The following NXN variants were observed in gnomAD, a reference collection of about 807,000 sequenced individuals.
NXN encodes nucleoredoxin 1.
NXN carries 16 observed loss-of-function variants against 48.6 expected under a neutral mutation model. That is an observed-to-expected ratio of 0.33 (90% CI 0.22 to 0.50). The LOEUF is 0.50. Among genes scored for constraint, NXN ranks in the 20% least tolerant of loss-of-function variants. The pLI, the probability that NXN is intolerant of heterozygous loss-of-function variation, is 0.98. For missense variants in NXN, 492 were observed against 605.5 expected (o/e 0.81, Z 1.97); for synonymous variants, 281 against 269.6 (o/e 1.04, Z -0.41).
At chr17:934,407 C>A (rs553747116) in intron 1 of NXN, among the ~76,000 whole-genome samples, 1 of 149,092 alleles carries the variant, frequency 6.7e-6, no homozygotes, top group African/African-American at 2.5e-5. Context: ...GATAGCACCA[C>A]TGCACTCTAG....
intron 1 of NXN, among the ~76,000 whole-genome samples, chr17:840,541 A>G (rs370385845): frequency 0.011 from 1,626 of 152,210 alleles, 11 homozygotes; most frequent in Non-Finnish European, 0.013. Context: ...GGGTTTCACC[A>G]TGTTAGCCAG....
chr17:831,537 AGCTCACTGCAACCTCC>A (rs937227967), intron 1 of NXN, among the ~76,000 whole-genome samples: 74 of 151,928 alleles, frequency 4.9e-4, no homozygotes, highest in African/African-American at 1.7e-3. Context: ...ACACAATCTC[AGCTCACTGCAACCTCC>A]GCTCACTGCA....
At chr17:892,039 C>T (rs1355265648) in intron 1 of NXN, among the ~76,000 whole-genome samples, 2 of 137,102 alleles carry the variant, frequency 1.5e-5, no homozygotes, top group Non-Finnish European at 3.1e-5. Context: ...CCATGCACAA[C>T]CCAACAGGGA....
At chr17:876,463 T>C (rs758002588) in intron 1 of NXN, among the ~76,000 whole-genome samples, 1 of 152,114 alleles carries the variant, frequency 6.6e-6, no homozygotes, top group Non-Finnish European at 1.5e-5. Context: ...TCCCCTATTG[T>C]GGTCATTTAG....
chr17:896,859 C>CGGGG, intron 1 of NXN: 1 of 541,036 alleles, frequency 1.8e-6, no homozygotes, highest in Non-Finnish European at 2.9e-6. Flanking sequence ...TCCTGACCAC[C>CGGGG]CGCCCCCGGC....
intron 5 of NXN, among the ~76,000 whole-genome samples, chr17:808,931 C>T (rs1446629719): frequency 1.3e-5 from 2 of 152,124 alleles, no homozygotes; most frequent in African/African-American, 2.4e-5. Flanking sequence ...CCCGCCTCGG[C>T]CTCCCAAACT....
intron 1 of NXN, among the ~76,000 whole-genome samples, chr17:826,590 C>T (rs552127577): frequency 1.1e-4 from 17 of 152,350 alleles, no homozygotes; most frequent in Admixed American, 5.9e-4. Context: ...CAACAGCAGC[C>T]GCTCTCCACG....
intron 1 of NXN, among the ~76,000 whole-genome samples, chr17:835,124 T>C (rs9903958): frequency 0.46 from 69,418 of 150,124 alleles, 16,618 homozygotes; most frequent in Middle Eastern, 0.65. Flanking sequence ...CTGGCTAACA[T>C]GGTGAAACCC....
chr17:977,922 A>C lies in NXN; in HGVS notation c.360+1397T>G, dbSNP rs58895530. Among the ~76,000 whole-genome samples the C allele has an allele frequency of 6.4e-3, 970 of 152,354 alleles. 12 individuals are homozygous for C. Among genetic ancestry groups the C allele is most frequent in the African/African-American group, 0.022 (925 of 41,574 alleles). ...GTAAAAATGCCAACTCTTGCCTCTG[A>C]GTGGTTAGTGAACCTATGTTTTCCC... On this transcript the variant is annotated intron_variant, in intron 1 of 7. Coordinates refer to ENST00000336868, the MANE Select transcript of NXN (RefSeq NM_022463.5).
intron 1 of NXN, among the ~76,000 whole-genome samples, chr17:882,951 A>G (rs1172220697): frequency 6.6e-6 from 1 of 152,070 alleles, no homozygotes; most frequent in African/African-American, 2.4e-5. Flanking sequence ...ACAGGGTTTC[A>G]CCATGTTGGC....
intron 1 of NXN, among the ~76,000 whole-genome samples, chr17:871,076 T>G (rs920482912): frequency 6.6e-6 from 1 of 152,088 alleles, no homozygotes; most frequent in Admixed American, 6.6e-5. Flanking sequence ...TTGGCCAGGA[T>G]GGTCTCGATC....
rs569844657 is a variant in NXN, at chr17:941,392, C to T, written c.360+37927G>A. Among the ~76,000 whole-genome samples the T allele has an allele frequency of 3.4e-5, 5 of 148,456 alleles. No homozygotes were observed. The South Asian group carries it at 1.1e-3, about 32-fold the overall frequency. On this transcript the variant is annotated intron_variant, in intron 1 of 7. Coordinates refer to ENST00000336868, the MANE Select transcript of NXN (RefSeq NM_022463.5). Reference sequence around the variant, plus strand: ...AGATTCCAGGGTGCAGCCATGAATTCACCAAACACCTCCCTGGATTTACAG... The same window carrying T: ...AGATTCCAGGGTGCAGCCATGAATTTACCAAACACCTCCCTGGATTTACAG...
intron 1 of NXN, among the ~76,000 whole-genome samples, chr17:931,736 G>A (rs189288362): frequency 5.7e-4 from 86 of 150,624 alleles, no homozygotes; most frequent in Middle Eastern, 3.5e-3. Context: ...TCGGGAGGCT[G>A]AGGCAGGAGA....
chr17:805,642 G>T (rs1226866), intron 5 of NXN, among the ~76,000 whole-genome samples: 3 of 150,008 alleles, frequency 2.0e-5, no homozygotes, highest in East Asian at 4.2e-4. Flanking sequence ...TTGGAGACCA[G>T]CCTGGCCAAC....
At chr17:923,779 C>T (rs997155591) in intron 1 of NXN, among the ~76,000 whole-genome samples, 4 of 152,096 alleles carry the variant, frequency 2.6e-5, no homozygotes, top group East Asian at 1.9e-4. Context: ...GACACAAGTG[C>T]GTTTGATACC....
intron 1 of NXN, among the ~76,000 whole-genome samples, chr17:834,648 G>A (rs1913689921): frequency 6.6e-6 from 1 of 151,876 alleles, no homozygotes; most frequent in African/African-American, 2.4e-5. Flanking sequence ...GCCTCCCAAA[G>A]TGCTGGGATT....
chr17:902,791 T>C (rs1024757558), intron 1 of NXN, among the ~76,000 whole-genome samples: 1 of 151,310 alleles, frequency 6.6e-6, no homozygotes, highest in African/African-American at 2.4e-5. Context: ...TCTTTTTTTT[T>C]TTTTTTAAGA....
At chr17:939,660 T>C (rs1437049098) in intron 1 of NXN, among the ~76,000 whole-genome samples, 1 of 152,060 alleles carries the variant, frequency 6.6e-6, no homozygotes, top group Non-Finnish European at 1.5e-5. Context: ...ATCATCTTTT[T>C]AAAGAATACG....
At chr17:873,937 A>G (rs1312533960) in intron 1 of NXN, among the ~76,000 whole-genome samples, 1 of 152,030 alleles carries the variant, frequency 6.6e-6, no homozygotes, top group East Asian at 1.9e-4. Flanking sequence ...TCAAGACAGA[A>G]TCATGGTCTT....
Sources: gnomAD v4.1 joint callset for allele counts (sites outside exome capture counted in the v4.1 genomes callset) on GRCh38, gnomAD v4.1.1 for gene constraint, MANE v1.5 for transcripts, NCBI Gene and HGNC (gene_info 2026-07-23, HGNC 2026-07-21) for gene names.